The following ZBBX variants were observed in gnomAD, a reference collection of about 807,000 sequenced individuals.
ZBBX encodes the protein zinc finger B-box domain containing, also known as zinc finger B-box domain-containing protein 1.
A neutral mutation model predicts 108.5 loss-of-function variants in ZBBX; 101 were observed. That is an observed-to-expected ratio of 0.93 (90% CI 0.79 to 1.10). ZBBX has a LOEUF of 1.10. Ranked by LOEUF, ZBBX falls within the 50% of genes least tolerant of loss-of-function variation. The pLI is 0.00. For synonymous variants in ZBBX, 356 were observed against 323.4 expected (o/e 1.10, Z -1.08); for missense variants, 1,009 against 941.4 (o/e 1.07, Z -0.94).
At chr3:167,337,228 C>T (rs913771770) in intron 9 of ZBBX, among the ~76,000 whole-genome samples, 3 of 152,050 alleles carry the variant, frequency 2.0e-5, no homozygotes, top group African/African-American at 7.2e-5. Context: ...CTGATAAAAG[C>T]TTATTTAGGC....
the ZBBX span, among the ~76,000 whole-genome samples, chr3:167,191,895 T>TAATATATA: frequency 6.1e-5 from 1 of 16,520 alleles, no homozygotes; most frequent in Non-Finnish European, 1.1e-4. Flanking sequence ...CTTACAAAAA[T>TAATATATA]CATATATATA....
At position 167,366,935 on chromosome 3, in the gene ZBBX, T is replaced by C. The variant is rs1407177777; in HGVS notation, c.183-959A>G. The C allele has an allele frequency of 1.1e-5, 5 of 455,940 alleles. No homozygotes were observed. In the Admixed American group the frequency reaches 1.2e-4, roughly 11 times the overall value. The allele number at this position is 455,940 out of a possible 1,614,324, so 28.2% of individuals were successfully genotyped here. A position where few individuals can be genotyped will look rare whatever the true frequency, so the allele number is the denominator to read the frequency against. ...ATAAACTTTGTCATCCTGGATGACA[T>C]ACAACATGAGATGCTCTGATTAAAC... On this transcript the variant is annotated intron_variant, in intron 5 of 21. Coordinates refer to ENST00000675490, the MANE Select transcript of ZBBX (RefSeq NM_001199201.2).
chr3:167,404,274 TAAGCA>T (rs1403796460), intron 1 of ZBBX, among the ~76,000 whole-genome samples: 1 of 152,080 alleles, frequency 6.6e-6, no homozygotes, highest in Non-Finnish European at 1.5e-5. Context: ...AGCTTAAAAG[TAAGCA>T]AAGCAAAACT....
chr3:167,248,861 C>T (rs971426165), intron 20 of ZBBX, among the ~76,000 whole-genome samples: 3 of 152,186 alleles, frequency 2.0e-5, no homozygotes, highest in African/African-American at 7.2e-5. Context: ...TCCAGGTTTT[C>T]CCTGCTTCGT....
At chr3:167,373,255 T>C (rs112667076) in intron 3 of ZBBX, among the ~76,000 whole-genome samples, 8 of 152,326 alleles carry the variant, frequency 5.3e-5, no homozygotes, top group African/African-American at 1.9e-4. Flanking sequence ...AGGTTATGTG[T>C]AGGCTATATG....
chr3:167,359,431 T>TA (rs1358905977), intron 8 of ZBBX, among the ~76,000 whole-genome samples: 2 of 151,914 alleles, frequency 1.3e-5, no homozygotes, highest in Non-Finnish European at 2.9e-5. Flanking sequence ...GCCTCAATAT[T>TA]AAAAAAATAG....
chr3:167,317,464 A>G, intron 13 of ZBBX, 24 bp downstream of exon 13: 2 of 1,534,264 alleles, frequency 1.3e-6, no homozygotes, highest in Non-Finnish European at 1.8e-6. Flanking sequence ...CATTTTAAAA[A>G]TATCTAATCA....
chr3:167,343,428 T>C (rs1740898462), intron 9 of ZBBX, among the ~76,000 whole-genome samples: 1 of 151,896 alleles, frequency 6.6e-6, no homozygotes, highest in Admixed American at 6.6e-5. Context: ...CTAATTTCCA[T>C]TCTCCCTACC....
chr3:167,392,587 A>T (rs999648124), intron 1 of ZBBX, among the ~76,000 whole-genome samples: 3 of 151,826 alleles, frequency 2.0e-5, no homozygotes, highest in Non-Finnish European at 1.5e-5. Flanking sequence ...AAGTTGCATG[A>T]TGGCTTCAGC....
upstream of ZBBX, among the ~76,000 whole-genome samples, chr3:167,380,600 TAAA>T (rs1237800342): frequency 6.6e-6 from 1 of 152,096 alleles, no homozygotes; most frequent in African/African-American, 2.4e-5. Context: ...AGCTTAAATC[TAAA>T]AAAATTAAGG....
At chr3:167,276,514 T>C (rs1219598325) in intron 20 of ZBBX, among the ~76,000 whole-genome samples, 1 of 151,802 alleles carries the variant, frequency 6.6e-6, no homozygotes, top group Non-Finnish European at 1.5e-5. Flanking sequence ...ATGAAATGAA[T>C]AAAATGAAGT....
In ZBBX at chr3:167,326,103, C is replaced by T. The variant is rs182453407; in HGVS notation, c.862+1839G>A. On this transcript the variant is annotated intron_variant, in intron 11 of 21. Coordinates refer to ENST00000675490, the MANE Select transcript of ZBBX (RefSeq NM_001199201.2). ...GTGCACAAATAGCTAAGATGCCCAT[C>T]ATAATATCTTTTAAATACTGGGAAT... 6.6e-5 allele frequency among the ~76,000 whole-genome samples: 10 copies of T among 152,206 alleles called. No individual in the cohort carries two copies. In the East Asian group the frequency reaches 1.9e-3, roughly 29 times the overall value.
At chr3:167,395,089 T>C (rs1393031302) in intron 1 of ZBBX, among the ~76,000 whole-genome samples, 1 of 151,998 alleles carries the variant, frequency 6.6e-6, no homozygotes, top group Admixed American at 6.6e-5. Flanking sequence ...ATTTTCTCTT[T>C]TACTTTCTAA....
upstream of ZBBX, among the ~76,000 whole-genome samples, chr3:167,383,776 C>T (rs1747820541): frequency 6.6e-6 from 1 of 152,096 alleles, no homozygotes; most frequent in Admixed American, 6.6e-5. Flanking sequence ...ATTTATTCAA[C>T]ACCTGTTCTA....
At chr3:167,244,859 T>C (rs985918794) in intron 20 of ZBBX, among the ~76,000 whole-genome samples, 5 of 152,118 alleles carry the variant, frequency 3.3e-5, no homozygotes, top group Non-Finnish European at 5.9e-5. Context: ...TTAAAAATAA[T>C]AGCAATTAGA....
At chr3:167,198,777 G>A in the ZBBX span, among the ~76,000 whole-genome samples, 6 of 152,082 alleles carry the variant, frequency 3.9e-5, no homozygotes, top group Non-Finnish European at 7.4e-5. Flanking sequence ...AATAACAAAC[G>A]CACCTTCAAA....
intron 20 of ZBBX, among the ~76,000 whole-genome samples, chr3:167,242,913 A>G (rs921998532): frequency 2.2e-5 from 3 of 133,964 alleles, no homozygotes; most frequent in African/African-American, 7.9e-5. Context: ...GAGACCTCAT[A>G]AAATTTCAAA....
intron 16 of ZBBX, among the ~76,000 whole-genome samples, chr3:167,307,802 C>T (rs890800918): frequency 6.6e-6 from 1 of 152,108 alleles, no homozygotes; most frequent in Non-Finnish European, 1.5e-5. Context: ...ATACCATATA[C>T]AAAAATTAAC....
chr3:167,224,057 C>A, the ZBBX span, among the ~76,000 whole-genome samples: 1 of 151,842 alleles, frequency 6.6e-6, no homozygotes, highest in Non-Finnish European at 1.5e-5. Context: ...GGGGACATAG[C>A]GGGTGGGAAA....
Sources: allele counts gnomAD v4.1 joint callset (sites outside exome capture counted in the v4.1 genomes callset), GRCh38; gene constraint gnomAD v4.1.1; transcripts MANE v1.5; gene names NCBI Gene and HGNC (gene_info 2026-07-23, HGNC 2026-07-21).